Variants in PTPRD observed in about 807,000 individuals in gnomAD.
The protein encoded by PTPRD is receptor-type tyrosine-protein phosphatase delta.
PTPRD carries 34 observed loss-of-function variants against 214.5 expected under a neutral mutation model. That is an observed-to-expected ratio of 0.16 (90% CI 0.12 to 0.21). The LOEUF (loss-of-function observed/expected upper bound fraction) is 0.21, where lower values mean the gene tolerates loss of function less well. PTPRD is among the 10% of genes least tolerant of loss of function. The pLI, the probability that PTPRD is intolerant of heterozygous loss-of-function variation, is 1.00. For missense variants in PTPRD, 2,545 were observed against 2,398.7 expected (o/e 1.06, Z -1.27); for synonymous variants, 1,128 against 845.7 (o/e 1.33, Z -5.79).
At chr9:9,510,921 C>G (rs2096689283) in intron 8 of PTPRD, among the ~76,000 whole-genome samples, 1 of 151,674 alleles carries the variant, frequency 6.6e-6, no homozygotes, top group South Asian at 2.1e-4. Context: ...TTAATTTTCT[C>G]CATTTAATTT....
intron 3 of PTPRD, among the ~76,000 whole-genome samples, chr9:10,085,553 A>G (rs1490996077): frequency 6.6e-6 from 1 of 151,802 alleles, no homozygotes; most frequent in East Asian, 1.9e-4. Context: ...ATGTAAGTGG[A>G]AAAGGGAAAG....
chr9:9,649,933 T>C (rs1175082880), intron 7 of PTPRD, among the ~76,000 whole-genome samples: 1 of 152,184 alleles, frequency 6.6e-6, no homozygotes, highest in Non-Finnish European at 1.5e-5. Context: ...TGTGATAGTA[T>C]ACTGTGCTAG....
chr9:8,892,171 C>G (rs1322485059), intron 11 of PTPRD, among the ~76,000 whole-genome samples: 1 of 152,154 alleles, frequency 6.6e-6, no homozygotes, highest in Non-Finnish European at 1.5e-5. Context: ...TGACTAACTC[C>G]TCCATCCACG....
At chr9:10,065,479 T>C (rs1215279742) in intron 3 of PTPRD, among the ~76,000 whole-genome samples, 1 of 151,914 alleles carries the variant, frequency 6.6e-6, no homozygotes, top group East Asian at 1.9e-4. Flanking sequence ...AGAAGGCCTA[T>C]TTTATTTGCT....
chr9:9,545,586 T>C (rs1455293364), intron 8 of PTPRD, among the ~76,000 whole-genome samples: 3 of 151,920 alleles, frequency 2.0e-5, no homozygotes, highest in African/African-American at 4.8e-5. Context: ...GTACAGAGTT[T>C]TTGCATGGAC....
chr9:8,980,205 G>C (rs1047597450), intron 11 of PTPRD, among the ~76,000 whole-genome samples: 1 of 151,960 alleles, frequency 6.6e-6, no homozygotes, highest in Non-Finnish European at 1.5e-5. Context: ...GAGATAGAGA[G>C]TGAAACCATG....
At chr9:9,876,881 A>G (rs2067039506) in intron 5 of PTPRD, among the ~76,000 whole-genome samples, 1 of 152,200 alleles carries the variant, frequency 6.6e-6, no homozygotes, top group African/African-American at 2.4e-5. Flanking sequence ...AAGACAAATT[A>G]CAGGATTTTT....
intron 8 of PTPRD, among the ~76,000 whole-genome samples, chr9:9,546,604 A>G (rs540875409): frequency 1.3e-5 from 2 of 151,814 alleles, no homozygotes; most frequent in East Asian, 3.9e-4. Context: ...TATATAAATT[A>G]TCCCTTTTAT....
chr9:9,958,172 G>A (rs1287260505), intron 4 of PTPRD, among the ~76,000 whole-genome samples: 1 of 152,172 alleles, frequency 6.6e-6, no homozygotes, highest in Non-Finnish European at 1.5e-5. Context: ...TTGGCAAGAA[G>A]TTTTCAGATA....
At chr9:9,639,972 T>C (rs560605237) in intron 7 of PTPRD, among the ~76,000 whole-genome samples, 22 of 152,350 alleles carry the variant, frequency 1.4e-4, no homozygotes, top group Admixed American at 3.3e-4. Flanking sequence ...TACTTGATGA[T>C]AGAAACACCT....
At chr9:9,497,453 G>C (rs1172812916) in intron 8 of PTPRD, among the ~76,000 whole-genome samples, 1 of 152,064 alleles carries the variant, frequency 6.6e-6, no homozygotes, top group East Asian at 1.9e-4. Context: ...GACTCACTTT[G>C]ATAGAGCAGC....
intron 11 of PTPRD, among the ~76,000 whole-genome samples, chr9:8,813,361 A>T (rs2096854447): frequency 6.6e-6 from 1 of 152,166 alleles, no homozygotes; most frequent in Admixed American, 6.5e-5. Context: ...TTTGAAAAAG[A>T]AGCTACAAAC....
At chr9:9,803,264 A>G (rs2099052884) in intron 5 of PTPRD, among the ~76,000 whole-genome samples, 1 of 151,784 alleles carries the variant, frequency 6.6e-6, no homozygotes, top group Admixed American at 6.6e-5. Flanking sequence ...AAAAAAAAAA[A>G]AAGCAAGTCA....
intron 9 of PTPRD, among the ~76,000 whole-genome samples, chr9:9,274,399 AATAG>A (rs1944159919): frequency 6.6e-6 from 1 of 151,392 alleles, no homozygotes; most frequent in Non-Finnish European, 1.5e-5. Context: ...TGTCTGCATA[AATAG>A]ATACTCAACC....
At chr9:9,179,625 G>A (rs2099926964) in intron 10 of PTPRD, among the ~76,000 whole-genome samples, 1 of 152,088 alleles carries the variant, frequency 6.6e-6, no homozygotes, top group Non-Finnish European at 1.5e-5. Context: ...ATGTGAAGAT[G>A]AGCAAAAAGA....
chr9:8,421,660 T>C (rs1195500201), intron 35 of PTPRD, among the ~76,000 whole-genome samples: 1 of 152,118 alleles, frequency 6.6e-6, no homozygotes, highest in African/African-American at 2.4e-5. Flanking sequence ...TGGCCCAAAT[T>C]GACAATGGCA....
At chr9:9,267,667 A>G (rs1463909051) in intron 9 of PTPRD, among the ~76,000 whole-genome samples, 1 of 151,332 alleles carries the variant, frequency 6.6e-6, no homozygotes, top group Non-Finnish European at 1.5e-5. Flanking sequence ...GCTTATTAAA[A>G]GGATCATATA....
intron 11 of PTPRD, among the ~76,000 whole-genome samples, chr9:8,877,752 C>T (rs1364223533): frequency 6.6e-6 from 1 of 152,162 alleles, no homozygotes; most frequent in Non-Finnish European, 1.5e-5. Flanking sequence ...ATGAGACAGG[C>T]CAATAGACAA....
chr9:9,792,739 T>C (rs1414294343), intron 5 of PTPRD, among the ~76,000 whole-genome samples: 1 of 152,128 alleles, frequency 6.6e-6, no homozygotes, highest in Non-Finnish European at 1.5e-5. Context: ...CCCCAGTAAA[T>C]GTTTAGCAAC....
Sources: allele counts gnomAD v4.1 joint callset (sites outside exome capture counted in the v4.1 genomes callset), GRCh38; gene constraint gnomAD v4.1.1; transcripts MANE v1.5; gene names NCBI Gene and HGNC (gene_info 2026-07-23, HGNC 2026-07-21).